The following GOLM2 variants were observed in gnomAD, a reference collection of about 807,000 sequenced individuals.
GOLM2 encodes golgi membrane protein 2, also known as protein GOLM2.
Under a neutral mutation model 55.9 loss-of-function variants are expected in GOLM2, and 26 were observed. That is an observed-to-expected ratio of 0.47 (90% CI 0.34 to 0.65). The LOEUF (loss-of-function observed/expected upper bound fraction) is 0.65, where lower values mean the gene tolerates loss of function less well. Among genes scored for constraint, GOLM2 ranks in the 30% least tolerant of loss-of-function variants. The probability of loss-of-function intolerance (pLI) is 0.01; values close to 1 mark genes in which losing one functional copy is unlikely to be tolerated. For missense variants in GOLM2, 486 were observed against 531.8 expected, an observed-to-expected ratio of 0.91 and a Z score of 0.85; for synonymous variants, 165 against 194.6, an observed-to-expected ratio of 0.85 and a Z score of 1.27.
At chr15:44,330,500 C>T (rs574386521) in intron 3 of GOLM2, among the ~76,000 whole-genome samples, 41 of 131,774 alleles carry the variant, frequency 3.1e-4, no homozygotes, top group African/African-American at 1.0e-3. Flanking sequence ...GTGACAAGAG[C>T]GAAACTCCAT....
At chr15:44,381,055 C>G (rs992568286) in intron 8 of GOLM2, 79 bp downstream of exon 8, 4 of 859,614 alleles carry the variant, frequency 4.7e-6, no homozygotes, top group African/African-American at 1.7e-5. Flanking sequence ...TTATTCTGCT[C>G]TCTAATAAAT....
chr15:44,310,291 G>GA (rs2078864330), intron 1 of GOLM2, among the ~76,000 whole-genome samples: 1 of 151,766 alleles, frequency 6.6e-6, no homozygotes, highest in Admixed American at 6.6e-5. Context: ...ATTATCCAGA[G>GA]AAGAGCAATT....
At chr15:44,370,750 T>G (rs2079324328) in intron 6 of GOLM2, among the ~76,000 whole-genome samples, 2 of 152,178 alleles carry the variant, frequency 1.3e-5, no homozygotes, top group South Asian at 4.1e-4. Context: ...AGCATCTACT[T>G]CTTGGGCTCA....
In GOLM2 at chr15:44,304,088, G is replaced by T. The variant is rs575364488; in HGVS notation, c.327+14732G>T. Among the ~76,000 whole-genome samples the T allele has an allele frequency of 2.2e-4, 34 of 151,616 alleles. No homozygotes were observed. In the South Asian group the frequency reaches 6.7e-3, roughly 30 times the overall value. ...TGGTCTTGCTATGTTCCCCAGGGCT[G>T]GTCTTGAACTCCTGGCCTCAAGTAA... On this transcript the variant is annotated intron_variant, in intron 1 of 9. Coordinates refer to ENST00000299957, the MANE Select transcript of GOLM2 (RefSeq NM_138423.4).
chr15:44,341,775 C>T (rs1448428923), intron 6 of GOLM2, among the ~76,000 whole-genome samples: 1 of 148,708 alleles, frequency 6.7e-6, no homozygotes, highest in Non-Finnish European at 1.5e-5. Flanking sequence ...TGGCTCACTG[C>T]ATCCTCGGCC....
intron 6 of GOLM2, among the ~76,000 whole-genome samples, chr15:44,345,274 TA>T (rs1479586829): frequency 1.3e-5 from 2 of 148,714 alleles, no homozygotes; most frequent in Non-Finnish European, 3.0e-5. Flanking sequence ...CACATCCAGC[TA>T]ATTTTTTTTT....
chr15:44,313,598 C>G (rs1233241765), intron 1 of GOLM2, among the ~76,000 whole-genome samples: 1 of 152,172 alleles, frequency 6.6e-6, no homozygotes, highest in Non-Finnish European at 1.5e-5. Flanking sequence ...AGACTTCTCT[C>G]TTGTTTCTTA....
intron 1 of GOLM2, among the ~76,000 whole-genome samples, chr15:44,304,666 A>G: frequency 6.7e-6 from 1 of 149,560 alleles, no homozygotes. Context: ...CAATTCTCCC[A>G]CCTCAGCCTC....
chr15:44,401,909 A>T lies in GOLM2; in HGVS notation c.1073-978A>T, dbSNP rs990145046. On this transcript the variant is annotated intron_variant, in intron 8 of 9. Transcript: ENST00000299957. ...CAATGGTGTGATCTCGGATCACTAC[A>T]ACCTCTGCCTCCCGGGCTCAAGCAA... 4.7e-5 allele frequency among the ~76,000 whole-genome samples: 7 copies of T among 149,122 alleles called. No individual in the cohort carries two copies. The South Asian group carries it at 1.3e-3, about 27-fold the overall frequency.
chr15:44,367,434 G>T (rs559374390), intron 6 of GOLM2, among the ~76,000 whole-genome samples: 12 of 152,074 alleles, frequency 7.9e-5, no homozygotes, highest in Non-Finnish European at 1.5e-4. Context: ...TCTCATTTTT[G>T]AAGGTTATTT....
intron 8 of GOLM2, among the ~76,000 whole-genome samples, chr15:44,383,651 C>A (rs1019182156): frequency 2.0e-5 from 3 of 148,564 alleles, no homozygotes; most frequent in East Asian, 1.9e-4. Flanking sequence ...TTATTTGTAT[C>A]AACTCTTTTC....
chr15:44,319,621 C>T (rs559904404), intron 1 of GOLM2, among the ~76,000 whole-genome samples: 8 of 152,230 alleles, frequency 5.3e-5, no homozygotes, highest in African/African-American at 1.7e-4. Flanking sequence ...GGGTCTCGCT[C>T]TGCCACCTAG....
intron 1 of GOLM2, among the ~76,000 whole-genome samples, chr15:44,301,600 AT>A (rs1234289231): frequency 2.6e-5 from 4 of 152,174 alleles, no homozygotes; most frequent in Non-Finnish European, 5.9e-5. Context: ...TAGGGATGAC[AT>A]TCTTGAGAGT....
chr15:44,316,207 A>G (rs548873194), intron 1 of GOLM2, among the ~76,000 whole-genome samples: 10 of 152,200 alleles, frequency 6.6e-5, no homozygotes, highest in Non-Finnish European at 1.0e-4. Context: ...GAAGATAAGC[A>G]TATTCCTAAT....
In GOLM2 at chr15:44,380,834, C is replaced by T. The variant is rs113520341; in HGVS notation, c.930C>T (p.Pro310=). Residue 310 remains proline, a synonymous_variant, in exon 8 of 10, where the codon CCC becomes CCT. Coordinates refer to ENST00000299957, the MANE Select transcript of GOLM2 (RefSeq NM_138423.4). The stretch of plus-strand genomic sequence containing the variant: ...CACACATAAACCACAATGGAAACCC[C>T]GGTACTTCAAAACAGAATCCTTCCA... The part of the protein sequence containing the change: ...PDSHINHNGN[P]GTSKQNPSSP... The T allele has an allele frequency of 1.5e-3, 2,319 of 1,574,534 alleles. 29 individuals are homozygous for T. In the African/African-American group the frequency reaches 0.027, roughly 18 times the overall value.
At chr15:44,345,569 G>C (rs1269007635) in intron 6 of GOLM2, among the ~76,000 whole-genome samples, 1 of 151,954 alleles carries the variant, frequency 6.6e-6, no homozygotes, top group Non-Finnish European at 1.5e-5. Context: ...CTTTCTTCTT[G>C]ATATTTAGGA....
chr15:44,389,670 C>T (rs1439910409), intron 8 of GOLM2, among the ~76,000 whole-genome samples: 2 of 152,090 alleles, frequency 1.3e-5, no homozygotes, highest in Non-Finnish European at 2.9e-5. Flanking sequence ...ATATAGTTAT[C>T]ACCACAATTT....
intron 6 of GOLM2, among the ~76,000 whole-genome samples, chr15:44,377,431 C>T (rs1045724578): frequency 2.0e-5 from 3 of 152,006 alleles, no homozygotes; most frequent in African/African-American, 7.3e-5. Context: ...AGTGCAGTGC[C>T]GCGGCCTTGG....
chr15:44,324,904 C>T (rs1354631698), intron 2 of GOLM2, among the ~76,000 whole-genome samples: 5 of 152,092 alleles, frequency 3.3e-5, no homozygotes, highest in East Asian at 3.9e-4. Flanking sequence ...CAACCTGACT[C>T]GTGTTAACTT....
Sources: gnomAD v4.1 joint callset for allele counts (sites outside exome capture counted in the v4.1 genomes callset) on GRCh38, gnomAD v4.1.1 for gene constraint, MANE v1.5 for transcripts, NCBI Gene and HGNC (gene_info 2026-07-23, HGNC 2026-07-21) for gene names.